Variants in CAPN11 observed in about 807,000 individuals in gnomAD.
The protein encoded by CAPN11 is calpain-11.
CAPN11 carries 108 observed loss-of-function variants against 105.3 expected under a neutral mutation model. The observed-to-expected ratio is 1.03, with a 90% CI of 0.88 to 1.20. CAPN11 has a LOEUF of 1.20. Among genes scored for constraint, CAPN11 ranks in the 50% most tolerant of loss-of-function variants. CAPN11 has a pLI of 0.00. For synonymous variants in CAPN11, 329 were observed against 344.5 expected, an observed-to-expected ratio of 0.96 and a Z score of 0.50; for missense variants, 883 against 924.8, an observed-to-expected ratio of 0.95 and a Z score of 0.59.
In CAPN11 at chr6:44,179,966, G is replaced by T. The variant is rs1278760137; in HGVS notation, c.1443G>T (p.Gln481His). The T allele has an allele frequency of 6.2e-7, 1 of 1,612,846 alleles. No individual in the cohort carries two copies. The highest frequency in any genetic ancestry group is 8.5e-7 in the Non-Finnish European group (1 of 1,179,012). The stretch of plus-strand genomic sequence containing the variant: ...GATGCATATAGTTTCAGAACATTCA[G>T]GATGTCCACTTGAAGAAGGAATTCT... ...YAVPKEFQNI[Q>H]DVHLKKEFFT... The change falls in exon 14 of 23, where the codon CAG becomes CAT. Residue 481 changes from glutamine (Q) to histidine (H), a missense_variant. Coordinates refer to ENST00000398776, the MANE Select transcript of CAPN11 (RefSeq NM_007058.4).
At chr6:44,182,240 GACACAACCACACCACACACACACACAC>G (rs1325889454) in intron 19 of CAPN11, among the ~76,000 whole-genome samples, 4 of 81,522 alleles carry the variant, frequency 4.9e-5, no homozygotes, top group Non-Finnish European at 9.1e-5. Flanking sequence ...CTCACATACA[GACACAACCACACCACACACACACACAC>G]ATACAGACAC....
At chr6:44,169,999 T>A in intron 4 of CAPN11, 24 bp downstream of exon 4, 1 of 1,586,446 alleles carries the variant, frequency 6.3e-7, no homozygotes, top group South Asian at 1.1e-5. Context: ...AGGAAGCTGG[T>A]CTCCACCTGG....
At chr6:44,168,490 G>A (rs998971502) in intron 2 of CAPN11, among the ~76,000 whole-genome samples, 3 of 151,768 alleles carry the variant, frequency 2.0e-5, no homozygotes, top group African/African-American at 4.8e-5. Context: ...GGCTGGTCTC[G>A]AACTCCTGAC....
intron 7 of CAPN11, among the ~76,000 whole-genome samples, 184 bp downstream of exon 7, chr6:44,173,570 G>GT (rs58916283): frequency 0.22 from 19,386 of 86,746 alleles, 1,559 homozygotes; most frequent in African/African-American, 0.32. Flanking sequence ...CTTTCTTTTT[G>GT]TTTTTTTTTG....
chr6:44,182,896 A>T, intron 19 of CAPN11, 45 bp from the exon 20 acceptor site: 2 of 1,416,192 alleles, frequency 1.4e-6, no homozygotes, highest in Non-Finnish European at 2.0e-6. Flanking sequence ...TATTTCAACC[A>T]CCATGCCATG....
rs1774220822 is a variant in CAPN11, at chr6:44,184,321, G to C, written c.*389G>C. 1 of 245,638 alleles carries C rather than the reference G, an allele frequency of 4.1e-6. No homozygotes were observed. The highest frequency in any genetic ancestry group is 1.4e-3 in the Middle Eastern group (1 of 730). 15.2% of individuals were successfully genotyped at this position (245,638 alleles called of 1,614,324 possible). On this transcript the variant is annotated 3_prime_UTR_variant, in exon 23 of 23. Coordinates refer to ENST00000398776, the MANE Select transcript of CAPN11 (RefSeq NM_007058.4). ...CTTGCTGTCCTGCTCACACCTACCTGCTGACCACCCATCCTGGCACAGCCT... is the reference window on the plus strand; with the variant it reads ...CTTGCTGTCCTGCTCACACCTACCTCCTGACCACCCATCCTGGCACAGCCT...
intron 12 of CAPN11, 69 bp downstream of exon 12, chr6:44,177,489 TTTC>T (rs1175772743): frequency 4.3e-6 from 6 of 1,405,570 alleles, no homozygotes; most frequent in East Asian, 4.7e-5. Flanking sequence ...TCTTTCTTTC[TTTC>T]TTTTTTTTTT....
At chr6:44,168,615 T>C (rs564317300) in intron 2 of CAPN11, among the ~76,000 whole-genome samples, 1 of 151,828 alleles carries the variant, frequency 6.6e-6, no homozygotes, top group African/African-American at 2.4e-5. Flanking sequence ...AAAAAATATT[T>C]ATTTATTTAT....
chr6:44,182,935 C>T lies in CAPN11; in HGVS notation c.1939-6C>T. 6.2e-7 allele frequency: 1 copy of T among 1,601,654 alleles called. No individual in the cohort carries two copies. The highest frequency in any genetic ancestry group is 8.5e-7 in the Non-Finnish European group (1 of 1,172,074). On this transcript the variant is annotated splice_region_variant and splice_polypyrimidine_tract_variant and intron_variant, in intron 19 of 22. Transcript: ENST00000398776. The stretch of plus-strand genomic sequence containing the variant: ...GTGGCCCTACCATATCTGTCTGTCT[C>T]TTCAGGACATCTTCAGAGAGTGTGA...
intron 5 of CAPN11, among the ~76,000 whole-genome samples, 176 bp from the exon 6 acceptor site, chr6:44,172,764 G>C (rs1221838010): frequency 6.6e-6 from 1 of 152,208 alleles, no homozygotes; most frequent in Non-Finnish European, 1.5e-5. Flanking sequence ...TCTGGAGACC[G>C]TGGCAGAAGC....
chr6:44,181,051 C>G (rs1392865597), intron 18 of CAPN11, 54 bp downstream of exon 18: 7 of 1,512,028 alleles, frequency 4.6e-6, no homozygotes. Flanking sequence ...CAAGCCTGGC[C>G]CAGAGATGGC....
rs1393683342 is a variant in CAPN11, at chr6:44,180,877, C to G, written c.1805-56C>G. The G allele has an allele frequency of 3.1e-6, 5 of 1,601,596 alleles. No individual in the cohort carries two copies. In the Admixed American group the frequency reaches 8.3e-5, roughly 27 times the overall value. ...TGCCCCTCTTGATCACTCCCAGTGC[C>G]CCCACGATACCTCATTTACCCTGTC... On this transcript the variant is annotated intron_variant, in intron 17 of 22. Transcript: ENST00000398776.
Position 44,176,823 on chromosome 6 carries a change from C to T in CAPN11, c.1077-15C>T, listed in dbSNP as rs1772123918. 6.2e-7 allele frequency: 1 copy of T among 1,613,406 alleles called. No individual in the cohort carries two copies. The highest frequency in any genetic ancestry group is 8.5e-7 in the Non-Finnish European group (1 of 1,179,660). ...AAGTGTGCTGCTGACGGGCTCCACC[C>T]CCACCCCACCACAGGATGTCCTACC... On this transcript the variant is annotated splice_polypyrimidine_tract_variant and intron_variant, in intron 10 of 22. Coordinates refer to ENST00000398776, the MANE Select transcript of CAPN11 (RefSeq NM_007058.4).
rs779079111 is a variant in CAPN11, at chr6:44,176,119, G to C, written c.883G>C (p.Gly295Arg). 6.2e-7 allele frequency: 1 copy of C among 1,613,314 alleles called. No individual in the cohort carries two copies. Among genetic ancestry groups the C allele is most frequent in the Non-Finnish European group, 8.5e-7 (1 of 1,179,568 alleles). The stretch of plus-strand genomic sequence containing the variant: ...CATGACTGACAAGATGCTGGTGAGA[G>C]GGCACGCTTACTCTGTGACTGGCCT... ...ESMTDKMLVRGHAYSVTGLQD... is the reference protein window; with the variant it reads ...ESMTDKMLVRRHAYSVTGLQD... Residue 295 changes from glycine (G) to arginine (R), a missense_variant, in exon 8 of 23, where the codon GGG becomes CGG. Transcript: ENST00000398776.
At chr6:44,168,926 A>AT (rs1427525336) in intron 2 of CAPN11, 6 of 434,504 alleles carry the variant, frequency 1.4e-5, no homozygotes, top group African/African-American at 2.0e-5. Context: ...CAGCCTATTT[A>AT]TTTATTTTTT....
At chr6:44,175,376 A>G (rs1388822594) in intron 7 of CAPN11, among the ~76,000 whole-genome samples, 3 of 152,050 alleles carry the variant, frequency 2.0e-5, no homozygotes, top group African/African-American at 2.4e-5. Flanking sequence ...GCTACTCAGG[A>G]GGCTGAGGTG....
intron 1 of CAPN11, 25 bp from the exon 2 acceptor site, chr6:44,166,733 C>T: frequency 6.5e-7 from 1 of 1,530,074 alleles, no homozygotes; most frequent in Non-Finnish European, 8.9e-7. Context: ...CCTTCCTCCC[C>T]TCCTCCCACT....
At chr6:44,182,220 CACAT>C (rs75539585) in intron 19 of CAPN11, among the ~76,000 whole-genome samples, 840 of 83,256 alleles carry the variant, frequency 0.01, 3 homozygotes, top group African/African-American at 0.019. Context: ...CTCACACACA[CACAT>C]ACACACTCAC....
rs372998163 is a variant in CAPN11 at position 44,172,982 on chromosome 6, C to A, written c.571C>A (p.Arg191=). The A allele has an allele frequency of 3.1e-6, 5 of 1,612,946 alleles. No homozygotes were observed. In the African/African-American group the frequency reaches 6.7e-5, roughly 22 times the overall value. The change falls in exon 6 of 23, where the codon CGG becomes AGG. Residue 191 remains arginine (R), a synonymous_variant. Transcript: ENST00000398776. ...GTGGGTGAACGTGGTGGTAGATGAC[C>A]GGCTGCCCACAAAGAATGACAAGCT... The part of the protein sequence containing the change: ...GQWVNVVVDD[R]LPTKNDKLVF...
Sources: gnomAD v4.1 joint callset for allele counts (sites outside exome capture counted in the v4.1 genomes callset) on GRCh38, gnomAD v4.1.1 for gene constraint, MANE v1.5 for transcripts, NCBI Gene and HGNC (gene_info 2026-07-23, HGNC 2026-07-21) for gene names.